PCDH15: variants seen among roughly 807,000 people sequenced by gnomAD.
The protein encoded by PCDH15 is protocadherin related 15, also known as protocadherin-15.
A neutral mutation model predicts 178.5 loss-of-function variants in PCDH15; 129 were observed. That is an observed-to-expected ratio of 0.72 (90% CI 0.63 to 0.84). PCDH15 has a LOEUF of 0.84. PCDH15 is among the 40% of genes least tolerant of loss of function. PCDH15 has a pLI of 0.00. For synonymous variants in PCDH15, 800 were observed against 732.0 expected, an observed-to-expected ratio of 1.09 and a Z score of -1.50; for missense variants, 2,230 against 2,099.9, an observed-to-expected ratio of 1.06 and a Z score of -1.21.
chr10:54,346,432 G>C lies in PCDH15; in HGVS notation c.527C>G (p.Ala176Gly), dbSNP rs1379900720. ...ATTTGGTCCATCATCTATATCTGTA[G>C]CTCCATTGTCTCCTGAAAATCCTGT... is the stretch of plus-strand genomic sequence containing the variant. The part of the protein sequence containing the change: ...IFTGFSGDNG[A>G]TDIDDGPNGQ... Residue 176 changes from alanine (A) to glycine (G), a missense_variant, in exon 6 of 38, where the codon GCT (alanine) becomes GGT (glycine). Physicochemically the swap from Ala to Gly is moderately conservative, Grantham distance 60. Coordinates refer to ENST00000644397, the MANE Select transcript of PCDH15 (RefSeq NM_001384140.1). 6.2e-7 allele frequency: 1 copy of C among 1,613,456 alleles called. No homozygotes were observed. The highest frequency in any genetic ancestry group is 1.1e-5 in the South Asian group (1 of 91,058).
At chr10:54,543,595 T>G (rs554564387) in intron 2 of PCDH15, among the ~76,000 whole-genome samples, 1 of 152,310 alleles carries the variant, frequency 6.6e-6, no homozygotes, top group Non-Finnish European at 1.5e-5. Context: ...TTTTTAAAAA[T>G]AATATTTCAT....
intron 1 of PCDH15, among the ~76,000 whole-genome samples, chr10:55,201,387 T>C (rs1046773718): frequency 1.3e-5 from 2 of 152,132 alleles, no homozygotes; most frequent in African/African-American, 4.8e-5. Flanking sequence ...TGTGTTTCTG[T>C]TACTTGCAAT....
chr10:55,339,290 T>TAACAAC (rs34058084), intron 2 of PCDH15, among the ~76,000 whole-genome samples: 41,755 of 150,538 alleles, frequency 0.28, 6,781 homozygotes, highest in Admixed American at 0.37. Context: ...CCATAACAAT[T>TAACAAC]AACAACAACA....
intron 8 of PCDH15, among the ~76,000 whole-genome samples, chr10:54,304,190 T>C (rs2060322570): frequency 6.6e-6 from 1 of 152,254 alleles, no homozygotes; most frequent in Admixed American, 6.5e-5. Flanking sequence ...TACTCACCCA[T>C]ATCATTGTTT....
intron 2 of PCDH15, among the ~76,000 whole-genome samples, chr10:55,108,826 T>G (rs1837424281): frequency 6.6e-6 from 1 of 152,100 alleles, no homozygotes; most frequent in South Asian, 2.1e-4. Flanking sequence ...CAGTCACACA[T>G]ACAATCAAGT....
At chr10:54,418,568 T>G (rs1192399321) in intron 3 of PCDH15, among the ~76,000 whole-genome samples, 1 of 151,908 alleles carries the variant, frequency 6.6e-6, no homozygotes, top group Non-Finnish European at 1.5e-5. Context: ...ATTAGAACAT[T>G]ATGGAAAATT....
intron 2 of PCDH15, among the ~76,000 whole-genome samples, chr10:55,563,212 C>A (rs1305289623): frequency 6.6e-6 from 1 of 151,852 alleles, no homozygotes; most frequent in African/African-American, 2.4e-5. Flanking sequence ...GCACTCCCTT[C>A]TTTTCTAAAA....
intron 2 of PCDH15, among the ~76,000 whole-genome samples, chr10:55,481,218 C>G (rs941256213): frequency 6.6e-6 from 1 of 151,592 alleles, no homozygotes; most frequent in Admixed American, 6.6e-5. Flanking sequence ...TTATTTGAAT[C>G]TTTTCTGTTT....
chr10:54,987,494 A>G (rs1839401652), intron 2 of PCDH15, among the ~76,000 whole-genome samples: 1 of 152,148 alleles, frequency 6.6e-6, no homozygotes, highest in Non-Finnish European at 1.5e-5. Flanking sequence ...GTGTAAAAGC[A>G]TTCCTATTTC....
intron 3 of PCDH15, among the ~76,000 whole-genome samples, chr10:54,516,920 A>G (rs1483499841): frequency 2.6e-5 from 4 of 152,256 alleles, no homozygotes; most frequent in East Asian, 3.9e-4. Context: ...ATTCTTAAAG[A>G]AAAGAATTTT....
chr10:53,967,198 C>T (rs2089127323), intron 21 of PCDH15, among the ~76,000 whole-genome samples: 2 of 152,154 alleles, frequency 1.3e-5, no homozygotes, highest in Admixed American at 1.3e-4. Context: ...TTATAAAGGG[C>T]TTTTCCCCCT....
chr10:54,219,274 CAAAAAAAAAAAA>C (rs995053736), intron 9 of PCDH15, among the ~76,000 whole-genome samples: 1 of 45,186 alleles, frequency 2.2e-5, no homozygotes, highest in Non-Finnish European at 4.3e-5. Context: ...GACTTTGTCT[CAAAAAAAAAAAA>C]AAAAAAAAGG....
intron 2 of PCDH15, among the ~76,000 whole-genome samples, chr10:54,618,117 G>A (rs1170086129): frequency 1.3e-5 from 2 of 151,996 alleles, no homozygotes; most frequent in Admixed American, 1.3e-4. Flanking sequence ...TGTCATGTCA[G>A]TATAATATGA....
chr10:53,879,600 T>A (rs1417482994), intron 26 of PCDH15, among the ~76,000 whole-genome samples: 4 of 152,222 alleles, frequency 2.6e-5, no homozygotes, highest in Non-Finnish European at 2.9e-5. Flanking sequence ...AGTATAGGCA[T>A]TTTTGGTAAA....
intron 2 of PCDH15, among the ~76,000 whole-genome samples, chr10:54,984,610 G>A (rs151271178): frequency 0.013 from 2,039 of 152,262 alleles, 40 homozygotes; most frequent in African/African-American, 0.046. Context: ...AGTCTGAGGT[G>A]TGAGGATTGC....
chr10:54,111,613 TAAAG>T (rs1461957442), intron 15 of PCDH15, among the ~76,000 whole-genome samples: 3 of 152,110 alleles, frequency 2.0e-5, no homozygotes, highest in Admixed American at 2.0e-4. Flanking sequence ...ACCATTTCCA[TAAAG>T]ATAGACTAAC....
At chr10:54,491,804 C>T (rs1315130422) in intron 3 of PCDH15, among the ~76,000 whole-genome samples, 1 of 152,046 alleles carries the variant, frequency 6.6e-6, no homozygotes, top group Non-Finnish European at 1.5e-5. Context: ...TCTTTGCTAT[C>T]CCTTTTAGGA....
intron 1 of PCDH15, among the ~76,000 whole-genome samples, chr10:55,166,881 A>C: frequency 6.6e-6 from 1 of 152,162 alleles, no homozygotes; most frequent in Non-Finnish European, 1.5e-5. Context: ...AACTCTTAGA[A>C]TGCATATCTA....
chr10:55,386,501 A>T (rs1837662848), intron 2 of PCDH15, among the ~76,000 whole-genome samples: 1 of 152,098 alleles, frequency 6.6e-6, no homozygotes, highest in Non-Finnish European at 1.5e-5. Context: ...AGTTAAAATA[A>T]AAAAGGATGC....
Sources: gnomAD v4.1 joint callset for allele counts (sites outside exome capture counted in the v4.1 genomes callset) on GRCh38, gnomAD v4.1.1 for gene constraint, MANE v1.5 for transcripts, NCBI Gene and HGNC (gene_info 2026-07-23, HGNC 2026-07-21) for gene names.